Variants in ZSCAN5A observed in about 807,000 individuals in gnomAD.
ZSCAN5A encodes the protein zinc finger and SCAN domain containing 5A.
In ZSCAN5A, 12 loss-of-function variants were observed where a neutral mutation model predicts 23.7. The observed-to-expected ratio is 0.51, with a 90% CI of 0.32 to 0.82. The LOEUF (loss-of-function observed/expected upper bound fraction) is 0.82. Ranked by LOEUF, ZSCAN5A falls within the 40% of genes least tolerant of loss-of-function variation. The pLI is 0.03. For synonymous variants in ZSCAN5A, 257 were observed against 239.9 expected, an observed-to-expected ratio of 1.07 and a Z score of -0.66; for missense variants, 597 against 617.9, an observed-to-expected ratio of 0.97 and a Z score of 0.36.
At chr19:56,349,704 C>CAAAAAAAAAAAAAAAAAAAAAAAAAA (rs3059533) in intron 2 of ZSCAN5A, among the ~76,000 whole-genome samples, 1 of 30,904 alleles carries the variant, frequency 3.2e-5, no homozygotes, top group Non-Finnish European at 6.4e-5. Context: ...AACTCCGTCT[C>CAAAAAAAAAAAAAAAAAAAAAAAAAA]AAAAAAAAAA....
intron 2 of ZSCAN5A, among the ~76,000 whole-genome samples, chr19:56,284,797 G>A (rs2038981704): frequency 6.6e-6 from 1 of 152,160 alleles, no homozygotes; most frequent in African/African-American, 2.4e-5. Flanking sequence ...ACAGGCCTGA[G>A]CCACTGCGCC....
At chr19:56,280,222 C>G (rs1187974103) in intron 2 of ZSCAN5A, among the ~76,000 whole-genome samples, 1 of 152,154 alleles carries the variant, frequency 6.6e-6, no homozygotes, top group East Asian at 1.9e-4. Flanking sequence ...ACTTTTTTCA[C>G]CTAATAATAC....
At position 56,223,685 on chromosome 19, in the gene ZSCAN5A, C is replaced by T. The variant is rs2033563886; in HGVS notation, c.534G>A (p.Gln178=). 1 of 1,600,526 alleles carries T rather than the reference C, an allele frequency of 6.2e-7. No individual in the cohort carries two copies. Among genetic ancestry groups the T allele is most frequent in the Non-Finnish European group, 8.5e-7 (1 of 1,173,694 alleles). ...GCAGGATCTGCAGCTCTCGGTGGGC[C>T]TGGCCTTCCCCTGGACGCATCTGGT... ...SVNQMRPGEG[Q]AHRELQILPR... is the part of the protein sequence containing the mutation. Residue 178 remains glutamine, a synonymous_variant, in exon 4 of 6, where the codon CAG becomes CAA. Transcript: ENST00000683990.
At chr19:56,263,806 GATA>G (rs1267629176) in intron 2 of ZSCAN5A, 6 of 141,930 alleles carry the variant, frequency 4.2e-5, no homozygotes, top group East Asian at 3.9e-4. Flanking sequence ...GATAATGCAT[GATA>G]ATAACATGTA....
chr19:56,352,836 T>A lies in ZSCAN5A; in HGVS notation c.-358+10399A>T, dbSNP rs2041676405. Among the ~76,000 whole-genome samples the A allele has an allele frequency of 6.6e-6, 1 of 152,170 alleles. No individual in the cohort carries two copies. Among genetic ancestry groups the A allele is most frequent in the African/African-American group, 2.4e-5 (1 of 41,444 alleles). ...ACAGATGTCCAAAGTCCAGGCCTAG[T>A]CAGGAAGAGGACTCAGGGAAGCCCA... On this transcript the variant is annotated intron_variant, in intron 2 of 6. Transcript: ENST00000587340. The surrounding 1 kb of genome is among the most constrained non-coding windows in gnomAD (Gnocchi z 4.2).
At chr19:56,321,648 G>C in intron 2 of ZSCAN5A, 1 of 960,618 alleles carries the variant, frequency 1.0e-6, no homozygotes, top group Non-Finnish European at 1.7e-6. Flanking sequence ...TCGTTATGTC[G>C]TCCATCATAG....
rs746812478 is a variant in ZSCAN5A at position 56,222,273 on chromosome 19, C to T, written c.793G>A (p.Glu265Lys). Residue 265 changes from glutamate (E) to lysine (K), a missense_variant, in exon 6 of 6, where the codon GAA becomes AAA. Around this residue, in one of 5 missense-constraint regions of ZSCAN5A, gnomAD observed 406 missense variants for 353.2 expected, o/e 1.15. Transcript: ENST00000683990. ...GKDPPKIASV[E>K]NVDADTPSAC... is the part of the protein sequence containing the mutation. ...GAAGGTGTGTCAGCATCCACATTTT[C>T]CACAGAGGCTATTTTTGGGGGGTCC... 7 of 1,613,500 alleles carry T rather than the reference C, an allele frequency of 4.3e-6. No homozygotes were observed. The highest frequency in any genetic ancestry group is 2.2e-5 in the East Asian group (1 of 44,890).
intron 2 of ZSCAN5A, among the ~76,000 whole-genome samples, chr19:56,239,635 C>G (rs1481985072): frequency 1.3e-5 from 2 of 152,064 alleles, no homozygotes; most frequent in Admixed American, 6.5e-5. Context: ...TCAAGCAAAG[C>G]TTTTCCATGT....
chr19:56,289,770 T>C (rs532694509), intron 2 of ZSCAN5A, among the ~76,000 whole-genome samples: 1 of 152,230 alleles, frequency 6.6e-6, no homozygotes, highest in Admixed American at 6.5e-5. Context: ...CACACCACCA[T>C]ACCCAGCTAA....
chr19:56,360,755 A>G (rs1244249879), intron 2 of ZSCAN5A, among the ~76,000 whole-genome samples: 4 of 152,204 alleles, frequency 2.6e-5, no homozygotes, highest in Non-Finnish European at 5.9e-5. Context: ...TCTAGGCAAT[A>G]CCATACAGGA....
intron 2 of ZSCAN5A, among the ~76,000 whole-genome samples, chr19:56,301,647 C>T (rs73937230): frequency 2.0e-5 from 3 of 152,048 alleles, no homozygotes; most frequent in African/African-American, 7.3e-5. Flanking sequence ...TTTTACCCAG[C>T]CCCTATTCAA....
chr19:56,308,240 G>A (rs2040824498), intron 2 of ZSCAN5A, among the ~76,000 whole-genome samples: 1 of 150,656 alleles, frequency 6.6e-6, no homozygotes, highest in Non-Finnish European at 1.5e-5. Flanking sequence ...CACCATGTTG[G>A]CCAGGATGGT....
chr19:56,323,686 G>A (rs1015551491), intron 2 of ZSCAN5A, among the ~76,000 whole-genome samples: 2 of 151,826 alleles, frequency 1.3e-5, no homozygotes, highest in Non-Finnish European at 2.9e-5. Flanking sequence ...ACAGGCATGC[G>A]CCACCACAGC....
chr19:56,269,304 TTA>T (rs1238137834), intron 2 of ZSCAN5A, among the ~76,000 whole-genome samples: 4 of 152,226 alleles, frequency 2.6e-5, no homozygotes, highest in African/African-American at 9.7e-5. Context: ...ACATTCACAA[TTA>T]TATGGCATAA....
chr19:56,255,759 T>C (rs2036653548), intron 2 of ZSCAN5A, among the ~76,000 whole-genome samples: 1 of 151,894 alleles, frequency 6.6e-6, no homozygotes, highest in Non-Finnish European at 1.5e-5. Flanking sequence ...GTTAGGGTGG[T>C]TTTAATGAGT....
At chr19:56,305,446 C>T (rs1398118846) in intron 2 of ZSCAN5A, among the ~76,000 whole-genome samples, 1 of 152,210 alleles carries the variant, frequency 6.6e-6, no homozygotes, top group Non-Finnish European at 1.5e-5. Flanking sequence ...TAACACTCCA[C>T]GGCATGGACA....
chr19:56,357,515 C>G (rs1358778930), intron 2 of ZSCAN5A, among the ~76,000 whole-genome samples: 1 of 147,988 alleles, frequency 6.8e-6, no homozygotes, highest in Non-Finnish European at 1.5e-5. Context: ...AGCAACTATA[C>G]CACAAAATAT....
At chr19:56,236,429 C>T (rs1333105990) in intron 2 of ZSCAN5A, among the ~76,000 whole-genome samples, 1 of 85,092 alleles carries the variant, frequency 1.2e-5, no homozygotes, top group Non-Finnish European at 2.4e-5. Flanking sequence ...TCTGATTGAC[C>T]GTGGGCCAAG....
At chr19:56,246,546 C>T (rs2035915354) in intron 2 of ZSCAN5A, 1 of 666,282 alleles carries the variant, frequency 1.5e-6, no homozygotes, top group African/African-American at 1.8e-5. Flanking sequence ...ATTATCATGT[C>T]TGGGGGAGTT....
Sources: allele counts gnomAD v4.1 joint callset (sites outside exome capture counted in the v4.1 genomes callset), GRCh38; gene constraint gnomAD v4.1.1; regional missense constraint gnomAD v4.1.1; non-coding constraint Gnocchi (gnomAD v3.1); transcripts MANE v1.5; gene names NCBI Gene and HGNC (gene_info 2026-07-23, HGNC 2026-07-21).